The following RAP1GAP2 variants were observed in gnomAD, a reference collection of about 807,000 sequenced individuals.
RAP1GAP2 encodes the protein RAP1 GTPase activating protein 2, also known as rap1 GTPase-activating protein 2.
A neutral mutation model predicts 95.0 loss-of-function variants in RAP1GAP2; 27 were observed. That is an observed-to-expected ratio of 0.28 (90% CI 0.21 to 0.39). The LOEUF (loss-of-function observed/expected upper bound fraction) is 0.39, where lower values mean the gene tolerates loss of function less well. Among genes scored for constraint, RAP1GAP2 ranks in the 10% least tolerant of loss-of-function variants. The pLI is 1.00. For synonymous variants in RAP1GAP2, 373 were observed against 380.9 expected, an observed-to-expected ratio of 0.98 and a Z score of 0.24; for missense variants, 771 against 970.0, an observed-to-expected ratio of 0.79 and a Z score of 2.72.
chr17:2,933,168 G>A (rs1224055481), intron 3 of RAP1GAP2, among the ~76,000 whole-genome samples: 1 of 152,232 alleles, frequency 6.6e-6, no homozygotes, highest in African/African-American at 2.4e-5. Flanking sequence ...TCGTGTGGGC[G>A]GGTGAGCAAG....
At chr17:2,988,541 C>T (rs941926153) in intron 11 of RAP1GAP2, among the ~76,000 whole-genome samples, 2 of 152,196 alleles carry the variant, frequency 1.3e-5, no homozygotes, top group African/African-American at 4.8e-5. Flanking sequence ...TTGGGTGTAT[C>T]AATACTGTGT....
Position 3,030,907 on chromosome 17 carries a change from C to T in RAP1GAP2, c.2108-15C>T, listed in dbSNP as rs199582240. On this transcript the variant is annotated splice_polypyrimidine_tract_variant and intron_variant, in intron 22 of 24. Transcript: ENST00000254695. ...CACAGCTCCACCCTCCTTTCATGGC[C>T]GTTCTTTTTCTTAGATGCCAAAAGC... The T allele has an allele frequency of 4.2e-5, 67 of 1,600,708 alleles. No individual in the cohort carries two copies. In the Middle Eastern group the frequency reaches 6.6e-4, roughly 16 times the overall value.
intron 1 of RAP1GAP2, among the ~76,000 whole-genome samples, chr17:2,764,431 A>G (rs2068240265): frequency 6.7e-6 from 1 of 148,918 alleles, no homozygotes; most frequent in African/African-American, 2.5e-5. Flanking sequence ...CTCAAAAAAT[A>G]AAAATAGAAG....
chr17:2,908,829 C>T (rs1310389231), intron 3 of RAP1GAP2, among the ~76,000 whole-genome samples: 1 of 152,024 alleles, frequency 6.6e-6, no homozygotes, highest in Non-Finnish European at 1.5e-5. Flanking sequence ...TCTTAGCCTC[C>T]CGAGTAGCTG....
chr17:2,846,922 G>GTT (rs1567704188), intron 2 of RAP1GAP2, among the ~76,000 whole-genome samples: 2 of 132,790 alleles, frequency 1.5e-5, no homozygotes, highest in African/African-American at 5.2e-5. Flanking sequence ...CTGCATTTTA[G>GTT]CTCACAATAG....
Position 2,917,397 on chromosome 17 carries a change from A to C in RAP1GAP2, c.165+12029A>C, listed in dbSNP as rs185008675. Reference sequence around the variant, plus strand: ...GCAATTCTCCTGCCTCAGCCTCCCGAGTAGCTGGGATTACAGGCATGCGCC... The same window carrying C: ...GCAATTCTCCTGCCTCAGCCTCCCGCGTAGCTGGGATTACAGGCATGCGCC... On this transcript the variant is annotated intron_variant, in intron 3 of 24. Coordinates refer to ENST00000254695, the MANE Select transcript of RAP1GAP2 (RefSeq NM_015085.5). Among the ~76,000 whole-genome samples, 524 of 151,950 alleles carry C rather than the reference A, an allele frequency of 3.4e-3. 2 individuals carry two copies. The highest frequency in any genetic ancestry group is 0.012 in the African/African-American group (501 of 41,424).
chr17:2,920,925 G>C (rs2042743699), intron 3 of RAP1GAP2, among the ~76,000 whole-genome samples: 1 of 152,136 alleles, frequency 6.6e-6, no homozygotes, highest in Admixed American at 6.5e-5. Flanking sequence ...ACTCAAGCCT[G>C]CTGTGTCTGG....
chr17:2,963,546 C>T lies in RAP1GAP2; in HGVS notation c.279+84C>T. 2 of 1,560,332 alleles carry T rather than the reference C, an allele frequency of 1.3e-6. No homozygotes were observed. Among genetic ancestry groups the T allele is most frequent in the Non-Finnish European group, 1.8e-6 (2 of 1,131,910 alleles). ...GGGAAATGATGGCGATGGCCTGTGC[C>T]CAGCCCCCCAGGGGAGAGAACCTTG... is the stretch of plus-strand genomic sequence containing the variant. On this transcript the variant is annotated intron_variant, in intron 6 of 24. Coordinates refer to ENST00000254695, the MANE Select transcript of RAP1GAP2 (RefSeq NM_015085.5). The surrounding 1 kb of genome is among the most constrained non-coding windows in gnomAD (Gnocchi z 4.8).
At chr17:2,757,139 G>C (rs911187265) in intron 1 of RAP1GAP2, among the ~76,000 whole-genome samples, 1 of 152,084 alleles carries the variant, frequency 6.6e-6, no homozygotes, top group African/African-American at 2.4e-5. Context: ...TTTTTTTTGA[G>C]ATAGGGTCTC....
At chr17:2,790,816 G>T (rs531970321) in intron 1 of RAP1GAP2, among the ~76,000 whole-genome samples, 4 of 152,240 alleles carry the variant, frequency 2.6e-5, no homozygotes, top group South Asian at 4.1e-4. Context: ...AGGGCCAGGG[G>T]ACACAGTGGA....
chr17:3,015,129 G>T (rs780343175), intron 17 of RAP1GAP2, among the ~76,000 whole-genome samples: 4 of 152,188 alleles, frequency 2.6e-5, no homozygotes, highest in African/African-American at 9.7e-5. Flanking sequence ...CTTGCGTGAC[G>T]GGGTAAATAG....
intron 3 of RAP1GAP2, among the ~76,000 whole-genome samples, chr17:2,933,140 G>A (rs2043208507): frequency 6.6e-6 from 1 of 152,348 alleles, no homozygotes; most frequent in African/African-American, 2.4e-5. Flanking sequence ...AGAGAAGGGC[G>A]AGTGGAAGGA....
chr17:2,967,473 G>A (rs1329017359), intron 8 of RAP1GAP2, among the ~76,000 whole-genome samples: 1 of 152,152 alleles, frequency 6.6e-6, no homozygotes, highest in Non-Finnish European at 1.5e-5. Context: ...TCCTCTTTAG[G>A]AGTGAGAGTG....
chr17:2,853,867 C>T, intron 2 of RAP1GAP2: 1 of 949,372 alleles, frequency 1.1e-6, no homozygotes, highest in Non-Finnish European at 1.2e-6. Flanking sequence ...CGCACCTAGG[C>T]GGGGCGGGGC....
intron 8 of RAP1GAP2, among the ~76,000 whole-genome samples, chr17:2,970,377 G>C (rs2044815444): frequency 6.6e-6 from 1 of 151,718 alleles, no homozygotes; most frequent in Non-Finnish European, 1.5e-5. Flanking sequence ...ACCTTGTGCA[G>C]ACTCAGTTTT....
chr17:2,879,559 C>G (rs1055243997), intron 2 of RAP1GAP2, among the ~76,000 whole-genome samples: 1 of 151,974 alleles, frequency 6.6e-6, no homozygotes, highest in African/African-American at 2.4e-5. Context: ...AACCCCGTCT[C>G]TACTAAAAAT....
chr17:2,756,576 C>T (rs1456073765), intron 1 of RAP1GAP2, among the ~76,000 whole-genome samples: 2 of 152,190 alleles, frequency 1.3e-5, no homozygotes, highest in Admixed American at 6.5e-5. Context: ...CAGCCCTCCC[C>T]GGACCTCGGA....
rs35663343 is a variant in RAP1GAP2 at position 2,832,557 on chromosome 17, CAAAAAAA to C, written c.80+32021_80+32027del. On this transcript the variant is annotated intron_variant, in intron 2 of 24. Coordinates refer to ENST00000254695, the MANE Select transcript of RAP1GAP2 (RefSeq NM_015085.5). ...TGGGCGACAGAGCGAGACTCCATCTCAAAAAAAAAAAAAAAAAAAAGATAAAGTCTCC... is the reference window on the plus strand; with the variant it reads ...TGGGCGACAGAGCGAGACTCCATCTCAAAAAAAAAAAAAGATAAAGTCTCC... Among the ~76,000 whole-genome samples, 9 of 76,758 alleles carry C rather than the reference CAAAAAAA, an allele frequency of 1.2e-4. No individual in the cohort carries two copies. In the East Asian group the frequency reaches 3.6e-3, roughly 31 times the overall value. 50.4% of individuals were successfully genotyped at this position (76,758 alleles called of 152,430 possible).
intron 2 of RAP1GAP2, among the ~76,000 whole-genome samples, chr17:2,835,904 A>T (rs1372586901): frequency 6.6e-6 from 1 of 152,072 alleles, no homozygotes; most frequent in Non-Finnish European, 1.5e-5. Flanking sequence ...AGGAAGGGAG[A>T]CACTCCTGTT....
Sources: allele counts gnomAD v4.1 joint callset (sites outside exome capture counted in the v4.1 genomes callset), GRCh38; gene constraint gnomAD v4.1.1; non-coding constraint Gnocchi (gnomAD v3.1); transcripts MANE v1.5; gene names NCBI Gene and HGNC (gene_info 2026-07-23, HGNC 2026-07-21).